Variants in MED27 observed in about 807,000 individuals in gnomAD.
The protein encoded by MED27 is mediator complex subunit 27, also known as mediator of RNA polymerase II transcription subunit 27.
Under a neutral mutation model 38.2 loss-of-function variants are expected in MED27, and 30 were observed. That is an observed-to-expected ratio of 0.79 (90% CI 0.59 to 1.07). The LOEUF (loss-of-function observed/expected upper bound fraction) is 1.07. MED27 is among the 50% of genes least tolerant of loss of function. The pLI is 0.00. For missense variants in MED27, 289 were observed against 397.5 expected (o/e 0.73, Z 2.32); for synonymous variants, 122 against 153.5 (o/e 0.79, Z 1.52).
chr9:132,040,761 C>A (rs1374070144), intron 2 of MED27, among the ~76,000 whole-genome samples: 2 of 152,234 alleles, frequency 1.3e-5, no homozygotes, highest in East Asian at 3.8e-4. Flanking sequence ...TGCACACACA[C>A]CGCACACTCA....
chr9:132,042,274 C>T (rs571121976), intron 2 of MED27, among the ~76,000 whole-genome samples: 8 of 152,244 alleles, frequency 5.3e-5, no homozygotes, highest in South Asian at 4.1e-4. Context: ...GTGCCAGGCA[C>T]GGAGAAAAGG....
At chr9:131,902,631 C>T (rs1352127380) in intron 4 of MED27, among the ~76,000 whole-genome samples, 1 of 152,160 alleles carries the variant, frequency 6.6e-6, no homozygotes, top group Non-Finnish European at 1.5e-5. Flanking sequence ...TTTTGCTCTG[C>T]AAAACCAAAC....
chr9:131,862,413 G>A lies in MED27; in HGVS notation c.801+650C>T, dbSNP rs1012250718. Among the ~76,000 whole-genome samples the A allele has an allele frequency of 1.3e-5, 2 of 152,188 alleles. No homozygotes were observed. The highest frequency in any genetic ancestry group is 6.5e-5 in the Admixed American group (1 of 15,294). ...TGGCGGCTACGTCTGTCAAGGACGC[G>A]GGGACATGGTGTTAGCCCTGCTTAG... is the stretch of plus-strand genomic sequence containing the variant. On this transcript the variant is annotated intron_variant, in intron 7 of 7. Transcript: ENST00000292035. This position sits in a 1 kb window ranked among gnomAD's most constrained non-coding sequence, Gnocchi z 4.6.
intron 3 of MED27, among the ~76,000 whole-genome samples, chr9:131,959,792 TCAGTGAA>T (rs1173000581): frequency 1.3e-5 from 2 of 152,232 alleles, no homozygotes; most frequent in East Asian, 3.8e-4. Context: ...TTGATAGATT[TCAGTGAA>T]ATCTATCAGT....
intron 3 of MED27, among the ~76,000 whole-genome samples, chr9:132,001,725 T>C (rs1195853977): frequency 1.3e-5 from 2 of 152,206 alleles, no homozygotes; most frequent in South Asian, 2.1e-4. Flanking sequence ...TTCCCATCTG[T>C]GGCCTTGAGC....
At chr9:131,950,233 T>C (rs1366876995) in intron 3 of MED27, among the ~76,000 whole-genome samples, 1 of 152,240 alleles carries the variant, frequency 6.6e-6, no homozygotes, top group Non-Finnish European at 1.5e-5. Flanking sequence ...AAGTCAGCCA[T>C]TTCTGTCAGA....
At chr9:131,902,510 A>G (rs750918350) in intron 4 of MED27, among the ~76,000 whole-genome samples, 1 of 152,222 alleles carries the variant, frequency 6.6e-6, no homozygotes, top group Non-Finnish European at 1.5e-5. Flanking sequence ...CGAGCGGGAC[A>G]GTAACTGAAT....
chr9:132,047,400 C>A (rs1475164788), intron 2 of MED27, among the ~76,000 whole-genome samples: 1 of 151,294 alleles, frequency 6.6e-6, no homozygotes, highest in Non-Finnish European at 1.5e-5. Context: ...TAAGGCCAAA[C>A]TGCTTGGCAA....
At chr9:131,991,724 GTTTA>G (rs1831979534) in intron 3 of MED27, among the ~76,000 whole-genome samples, 2 of 152,242 alleles carry the variant, frequency 1.3e-5, no homozygotes, top group African/African-American at 2.4e-5. Flanking sequence ...TTATTTGTTT[GTTTA>G]TTTATTTATT....
intron 4 of MED27, among the ~76,000 whole-genome samples, chr9:131,934,029 A>G (rs899380165): frequency 6.6e-6 from 1 of 152,216 alleles, no homozygotes; most frequent in Non-Finnish European, 1.5e-5. Flanking sequence ...ATTGGGGAAA[A>G]GATATCCCTT....
At chr9:131,996,835 G>T (rs1832102457) in intron 3 of MED27, among the ~76,000 whole-genome samples, 1 of 152,106 alleles carries the variant, frequency 6.6e-6, no homozygotes, top group Non-Finnish European at 1.5e-5. Flanking sequence ...TTAATGAACA[G>T]TAAATATTTT....
At chr9:132,025,632 T>G (rs1832802092) in intron 2 of MED27, among the ~76,000 whole-genome samples, 1 of 152,214 alleles carries the variant, frequency 6.6e-6, no homozygotes, top group South Asian at 2.1e-4. Context: ...GGGAGAGTTC[T>G]TCAATTTTCT....
intron 3 of MED27, among the ~76,000 whole-genome samples, chr9:131,995,232 A>G (rs1832064928): frequency 6.6e-6 from 1 of 152,086 alleles, no homozygotes; most frequent in Non-Finnish European, 1.5e-5. Context: ...ACATGTCATC[A>G]CCCACCATGG....
rs948858460 is a variant in MED27, at chr9:132,001,870, A to G, written c.479+12467T>C. Among the ~76,000 whole-genome samples, 12 of 152,310 alleles carry G rather than the reference A, an allele frequency of 7.9e-5. 1 individual carries two copies. Among genetic ancestry groups the G allele is most frequent in the African/African-American group, 2.9e-4 (12 of 41,568 alleles). Reference sequence around the variant, plus strand: ...TTCTGGAGCAGTGGTTCTGAGTCTCAGCTGCATGCAGGAATCATCCTGGGA... The same window carrying G: ...TTCTGGAGCAGTGGTTCTGAGTCTCGGCTGCATGCAGGAATCATCCTGGGA... On this transcript the variant is annotated intron_variant, in intron 3 of 7. Coordinates refer to ENST00000292035, the MANE Select transcript of MED27 (RefSeq NM_004269.4).
intron 3 of MED27, among the ~76,000 whole-genome samples, chr9:131,969,742 C>T (rs1421197388): frequency 3.9e-5 from 6 of 152,160 alleles, no homozygotes; most frequent in Admixed American, 1.3e-4. Flanking sequence ...ATGAGAGTGG[C>T]TACTTGGAGG....
In MED27 at chr9:131,982,838, T is replaced by C. The variant is rs1166617830; in HGVS notation, c.479+31499A>G. Reference sequence around the variant, plus strand: ...CAGCCATATGTAATATGGAAATGAATGCGCATGGCTGTGCTCAATAAAACT... The same window carrying C: ...CAGCCATATGTAATATGGAAATGAACGCGCATGGCTGTGCTCAATAAAACT... On this transcript the variant is annotated intron_variant, in intron 3 of 7. Transcript: ENST00000292035. This position sits in a 1 kb window ranked among gnomAD's most constrained non-coding sequence, Gnocchi z 4.3. 6.6e-6 allele frequency among the ~76,000 whole-genome samples: 1 copy of C among 152,240 alleles called. No homozygotes were observed. The highest frequency in any genetic ancestry group is 1.5e-5 in the Non-Finnish European group (1 of 68,030).
In MED27 at chr9:132,009,383, A is replaced by AT. The variant is rs563097804; in HGVS notation, c.479+4953dup. ...GCATGCCAGTCAAACTTCGTGACTC[A>AT]TTGCAAATGAACAGAATGGGGTAGA... On this transcript the variant is annotated intron_variant, in intron 3 of 7. Coordinates refer to ENST00000292035, the MANE Select transcript of MED27 (RefSeq NM_004269.4). Among the ~76,000 whole-genome samples, 328 of 152,288 alleles carry AT rather than the reference A, an allele frequency of 2.2e-3. 1 individual carries two copies. Among genetic ancestry groups the AT allele is most frequent in the Non-Finnish European group, 3.9e-3 (263 of 68,024 alleles).
At chr9:131,966,111 C>A (rs1831335142) in intron 3 of MED27, among the ~76,000 whole-genome samples, 1 of 143,942 alleles carries the variant, frequency 6.9e-6, no homozygotes, top group Non-Finnish European at 1.5e-5. Flanking sequence ...ACCTGTAATT[C>A]CAGCACTTTG....
At chr9:132,057,574 C>A (rs900202989) in intron 2 of MED27, among the ~76,000 whole-genome samples, 2 of 152,210 alleles carry the variant, frequency 1.3e-5, no homozygotes, top group Non-Finnish European at 2.9e-5. Flanking sequence ...TCAGGAATAA[C>A]TTAGTGGGAC....
Sources: allele counts gnomAD v4.1 joint callset (sites outside exome capture counted in the v4.1 genomes callset), GRCh38; gene constraint gnomAD v4.1.1; non-coding constraint Gnocchi (gnomAD v3.1); transcripts MANE v1.5; gene names NCBI Gene and HGNC (gene_info 2026-07-23, HGNC 2026-07-21).